Variants in PRKCE observed in about 807,000 individuals in gnomAD.
The protein encoded by PRKCE is protein kinase C epsilon type.
Under a neutral mutation model 85.4 loss-of-function variants are expected in PRKCE, and 16 were observed. That is an observed-to-expected ratio of 0.19 (90% CI 0.13 to 0.28). The LOEUF (loss-of-function observed/expected upper bound fraction) is 0.28, where lower values mean the gene tolerates loss of function less well. PRKCE is among the 10% of genes least tolerant of loss of function. The pLI is 1.00. For missense variants in PRKCE, 573 were observed against 975.2 expected (o/e 0.59, Z 5.49); for synonymous variants, 388 against 371.5 (o/e 1.04, Z -0.51).
chr2:46,103,894 G>A (rs1671469463), intron 11 of PRKCE, among the ~76,000 whole-genome samples: 1 of 152,138 alleles, frequency 6.6e-6, no homozygotes, highest in Non-Finnish European at 1.5e-5. Flanking sequence ...ATGGAAAGGA[G>A]GAGGTGGAAG....
At chr2:45,910,025 CT>C (rs1317570079) in intron 2 of PRKCE, among the ~76,000 whole-genome samples, 2 of 148,452 alleles carry the variant, frequency 1.3e-5, no homozygotes, top group Admixed American at 6.8e-5. Context: ...GTAAATGGCC[CT>C]TTCCAGTAAA....
chr2:45,916,509 G>A (rs779398028), intron 2 of PRKCE, among the ~76,000 whole-genome samples: 10 of 152,120 alleles, frequency 6.6e-5, no homozygotes, highest in Non-Finnish European at 1.0e-4. Flanking sequence ...ATCTTTCAAA[G>A]TGCTGTGATT....
At chr2:46,161,943 A>G (rs1196924647) in intron 14 of PRKCE, among the ~76,000 whole-genome samples, 4 of 152,134 alleles carry the variant, frequency 2.6e-5, no homozygotes, top group Admixed American at 2.6e-4. Context: ...GGTATGAAGA[A>G]CAGGGGTGAG....
At chr2:46,062,492 C>G (rs1667238797) in intron 10 of PRKCE, among the ~76,000 whole-genome samples, 1 of 152,026 alleles carries the variant, frequency 6.6e-6, no homozygotes, top group Non-Finnish European at 1.5e-5. Context: ...GGGATTAGGA[C>G]TAGACACAAA....
intron 1 of PRKCE, among the ~76,000 whole-genome samples, chr2:45,833,216 A>G (rs1401413805): frequency 6.6e-6 from 1 of 152,154 alleles, no homozygotes; most frequent in East Asian, 1.9e-4. Context: ...TAAAAGTTCT[A>G]TTAGGTTGTG....
In PRKCE at chr2:46,028,855, A is replaced by G. The variant is rs1204680945; in HGVS notation, c.1437+18338A>G. On this transcript the variant is annotated intron_variant, in intron 10 of 14. Coordinates refer to ENST00000306156, the MANE Select transcript of PRKCE (RefSeq NM_005400.3). ...GCCCCAGTGCATGTTGTTCCCCTCT[A>G]TGTGTCCATGTATGCTCATCATTTA... is the stretch of plus-strand genomic sequence containing the variant. 5.3e-5 allele frequency among the ~76,000 whole-genome samples: 8 copies of G among 152,044 alleles called. No individual in the cohort carries two copies. The South Asian group carries it at 6.2e-4, about 12-fold the overall frequency.
intron 2 of PRKCE, among the ~76,000 whole-genome samples, chr2:45,957,310 T>C (rs1701038052): frequency 6.6e-6 from 1 of 152,256 alleles, no homozygotes; most frequent in African/African-American, 2.4e-5. Flanking sequence ...AAGATATGGG[T>C]CTATGCTTAT....
intron 1 of PRKCE, among the ~76,000 whole-genome samples, chr2:45,728,932 G>T (rs1243327705): frequency 1.3e-5 from 2 of 152,198 alleles, no homozygotes; most frequent in Admixed American, 6.5e-5. Flanking sequence ...TGGCACTGGG[G>T]CACTGGCTCC....
intron 2 of PRKCE, among the ~76,000 whole-genome samples, chr2:45,925,289 T>C (rs1698527674): frequency 6.7e-6 from 1 of 149,744 alleles, no homozygotes; most frequent in Non-Finnish European, 1.5e-5. Context: ...CTAAGCATGC[T>C]GTATTTTTTA....
At chr2:45,812,614 G>T (rs1280977238) in intron 1 of PRKCE, among the ~76,000 whole-genome samples, 2 of 152,226 alleles carry the variant, frequency 1.3e-5, no homozygotes, top group African/African-American at 4.8e-5. Flanking sequence ...GATTAAATTA[G>T]CTAACAGACG....
intron 2 of PRKCE, among the ~76,000 whole-genome samples, chr2:45,904,369 T>A (rs1422888006): frequency 6.6e-6 from 1 of 151,962 alleles, no homozygotes; most frequent in Non-Finnish European, 1.5e-5. Flanking sequence ...CACGTGCCCA[T>A]CCAGGGCAAA....
chr2:45,713,560 T>TA (rs1338866971), intron 1 of PRKCE, among the ~76,000 whole-genome samples: 2 of 152,154 alleles, frequency 1.3e-5, no homozygotes, highest in African/African-American at 4.8e-5. Context: ...AAAGCAATTT[T>TA]AAAAAATCAT....
intron 10 of PRKCE, among the ~76,000 whole-genome samples, chr2:46,076,278 T>C (rs1668554665): frequency 6.6e-6 from 1 of 152,186 alleles, no homozygotes; most frequent in South Asian, 2.1e-4. Flanking sequence ...TGGGGGCTGC[T>C]CCATTTGTGC....
chr2:45,676,534 A>G (rs1389382892), intron 1 of PRKCE, among the ~76,000 whole-genome samples: 1 of 152,262 alleles, frequency 6.6e-6, no homozygotes, highest in African/African-American at 2.4e-5. Context: ...AGAGAGGAAG[A>G]TGGTTCTATT....
chr2:46,014,059 C>G (rs1345436487), intron 10 of PRKCE, among the ~76,000 whole-genome samples: 1 of 152,174 alleles, frequency 6.6e-6, no homozygotes. Context: ...ACTGAGCCCG[C>G]CTACCCTTGG....
intron 2 of PRKCE, among the ~76,000 whole-genome samples, chr2:45,864,467 A>C (rs375976567): frequency 6.7e-6 from 1 of 148,552 alleles, no homozygotes; most frequent in Non-Finnish European, 1.5e-5. Context: ...CACTTGAAAG[A>C]AACATAAAAC....
chr2:46,159,906 T>A lies in PRKCE; in HGVS notation c.2067+154T>A. 1.1e-6 allele frequency: 1 copy of A among 872,662 alleles called. No individual in the cohort carries two copies. Among genetic ancestry groups the A allele is most frequent in the Non-Finnish European group, 1.7e-6 (1 of 597,188 alleles). The allele number at this position is 872,662 out of a possible 1,614,324, so 54.1% of individuals were successfully genotyped here. On this transcript the variant is annotated intron_variant, in intron 14 of 14. Coordinates refer to ENST00000306156, the MANE Select transcript of PRKCE (RefSeq NM_005400.3). The surrounding 1 kb of genome is among the most constrained non-coding windows in gnomAD (Gnocchi z 4.1). ...GGCTGAGGCTCTCCCTAAGACAATG[T>A]CTTTAGGCCCCAAGTGTTTACTATT...
At chr2:46,020,986 G>A (rs1706604646) in intron 10 of PRKCE, among the ~76,000 whole-genome samples, 1 of 152,198 alleles carries the variant, frequency 6.6e-6, no homozygotes, top group Non-Finnish European at 1.5e-5. Flanking sequence ...ACTCAGGGAG[G>A]CTTAACCATT....
chr2:46,085,558 G>GGACCTGGATATCTTC (rs1315975184), intron 10 of PRKCE, among the ~76,000 whole-genome samples: 1 of 147,514 alleles, frequency 6.8e-6, no homozygotes, highest in Non-Finnish European at 1.5e-5. Flanking sequence ...CCTTTGGCTT[G>GGACCTGGATATCTTC]TGACTGTTTC....
Sources: gnomAD v4.1 joint callset for allele counts (sites outside exome capture counted in the v4.1 genomes callset) on GRCh38, gnomAD v4.1.1 for gene constraint, Gnocchi (gnomAD v3.1) non-coding constraint, MANE v1.5 for transcripts, NCBI Gene and HGNC (gene_info 2026-07-23, HGNC 2026-07-21) for gene names.